The following ALG9 variants were observed in gnomAD, a reference collection of about 807,000 sequenced individuals.
ALG9 encodes ALG9 alpha-1,2-mannosyltransferase.
ALG9 carries 55 observed loss-of-function variants against 81.8 expected under a neutral mutation model. The ratio of observed to expected loss-of-function variants is 0.67; its 90% CI spans 0.54 to 0.84. ALG9 has a LOEUF of 0.84. Ranked by LOEUF, ALG9 falls within the 40% of genes least tolerant of loss-of-function variation. The pLI, the probability that ALG9 is intolerant of heterozygous loss-of-function variation, is 0.00. For missense variants in ALG9, 629 were observed against 745.0 expected, an observed-to-expected ratio of 0.84 and a Z score of 1.81; for synonymous variants, 278 against 274.3, an observed-to-expected ratio of 1.01 and a Z score of -0.13.
intron 13 of ALG9, among the ~76,000 whole-genome samples, chr11:111,834,020 A>T (rs1425716342): frequency 1.3e-5 from 2 of 152,270 alleles, no homozygotes; most frequent in Non-Finnish European, 2.9e-5. Context: ...ACTACTGGGT[A>T]CATGACACCG....
intron 13 of ALG9, among the ~76,000 whole-genome samples, chr11:111,831,213 G>A (rs910352363): frequency 1.4e-4 from 21 of 152,022 alleles, no homozygotes; most frequent in Non-Finnish European, 2.8e-4. Context: ...GCTAATTTTT[G>A]TATTTTTAGT....
the ALG9 span, among the ~76,000 whole-genome samples, chr11:111,770,364 C>G: frequency 6.6e-6 from 1 of 152,084 alleles, no homozygotes; most frequent in East Asian, 1.9e-4. Context: ...AATAAACAAG[C>G]ATCTGCTCAG....
intron 4 of ALG9, chr11:111,864,246 C>T (rs1961472330): frequency 3.9e-6 from 4 of 1,018,740 alleles, no homozygotes; most frequent in East Asian, 2.5e-5. Context: ...CCGGCCCTCA[C>T]GTGCACCATG....
chr11:111,800,310 C>T (rs1174881813), intron 14 of ALG9, among the ~76,000 whole-genome samples: 1 of 151,682 alleles, frequency 6.6e-6, no homozygotes, highest in Non-Finnish European at 1.5e-5. Flanking sequence ...AAAACCCTGT[C>T]TCTACTAAAA....
intron 4 of ALG9, among the ~76,000 whole-genome samples, chr11:111,862,074 G>A (rs1388751830): frequency 2.6e-5 from 4 of 151,890 alleles, no homozygotes; most frequent in African/African-American, 9.7e-5. Flanking sequence ...GATATGTTAG[G>A]TTTACTAAAT....
chr11:111,789,415 T>C (rs1273521921), intron 14 of ALG9, among the ~76,000 whole-genome samples: 3 of 151,298 alleles, frequency 2.0e-5, no homozygotes, highest in African/African-American at 7.3e-5. Context: ...TAATTTTTTA[T>C]CTTTTGTAGA....
chr11:111,810,937 T>C (rs1296370877), intron 13 of ALG9, among the ~76,000 whole-genome samples: 3 of 152,204 alleles, frequency 2.0e-5, no homozygotes, highest in Admixed American at 6.5e-5. Flanking sequence ...GTCACTACTC[T>C]GTTCAGCACT....
At chr11:111,811,652 C>T (rs1223335287) in intron 13 of ALG9, among the ~76,000 whole-genome samples, 1 of 150,964 alleles carries the variant, frequency 6.6e-6, no homozygotes, top group Non-Finnish European at 1.5e-5. Context: ...TACAATAGAA[C>T]AGTACTCAGC....
chr11:111,786,365 G>C lies in ALG9; in HGVS notation c.*32C>G. ...GGTCACTGGAATCAATAGTTAACAAGATGGTTGTCCTTTGGGGCCACAGGT... is the reference window on the plus strand; with the variant it reads ...GGTCACTGGAATCAATAGTTAACAACATGGTTGTCCTTTGGGGCCACAGGT... On this transcript the variant is annotated 3_prime_UTR_variant, in exon 15 of 15. Transcript: ENST00000616540. The C allele has an allele frequency of 6.2e-7, 1 of 1,613,328 alleles. No individual in the cohort carries two copies. The highest frequency in any genetic ancestry group is 1.1e-5 in the South Asian group (1 of 91,014).
At chr11:111,870,861 G>A in intron 1 of ALG9, 1 of 1,000,938 alleles carries the variant, frequency 1.0e-6, no homozygotes, top group Non-Finnish European at 1.2e-6. Context: ...TCCCCCTTAT[G>A]TTCAGATAGA....
At chr11:111,779,781 A>T (rs1265169971), downstream of ALG9, among the ~76,000 whole-genome samples, 2 of 152,212 alleles carry the variant, frequency 1.3e-5, no homozygotes, top group Non-Finnish European at 2.9e-5. Context: ...AAAGGGAAAA[A>T]AAAGCTCATA....
At chr11:111,834,732 CA>C (rs1163142002) in intron 13 of ALG9, among the ~76,000 whole-genome samples, 1 of 152,156 alleles carries the variant, frequency 6.6e-6, no homozygotes, top group African/African-American at 2.4e-5. Flanking sequence ...CCCCCTATGA[CA>C]GTGTATTTTC....
chr11:111,870,760 C>A, intron 1 of ALG9: 1 of 1,011,538 alleles, frequency 9.9e-7, no homozygotes, highest in Non-Finnish European at 1.2e-6. Context: ...TATCCCAAGC[C>A]AACTAATCAC....
chr11:111,833,500 T>C (rs141076779), intron 13 of ALG9, among the ~76,000 whole-genome samples: 26 of 152,064 alleles, frequency 1.7e-4, no homozygotes, highest in Admixed American at 1.6e-3. Flanking sequence ...AGCCCAGAGG[T>C]AAAGAAAATA....
chr11:111,833,958 A>G (rs982869869), intron 13 of ALG9, among the ~76,000 whole-genome samples: 6 of 152,246 alleles, frequency 3.9e-5, no homozygotes, highest in Non-Finnish European at 7.3e-5. Context: ...CAACATCATT[A>G]CCACAATGAC....
At chr11:111,812,141 T>C (rs1487275424) in intron 13 of ALG9, among the ~76,000 whole-genome samples, 1 of 152,222 alleles carries the variant, frequency 6.6e-6, no homozygotes, top group Non-Finnish European at 1.5e-5. Flanking sequence ...AATATGTCAA[T>C]TCTAAACAAA....
At chr11:111,870,667 A>T in intron 1 of ALG9, 1 of 891,888 alleles carries the variant, frequency 1.1e-6, no homozygotes, top group Non-Finnish European at 1.4e-6. Context: ...GACTTTAATC[A>T]CTCAATCACT....
At chr11:111,780,136 C>T (rs1272173787), downstream of ALG9, among the ~76,000 whole-genome samples, 1 of 152,180 alleles carries the variant, frequency 6.6e-6, no homozygotes, top group Non-Finnish European at 1.5e-5. Context: ...CACCTCCTCA[C>T]ACCTGGAGGA....
At chr11:111,819,695 A>G (rs1952021839) in intron 13 of ALG9, among the ~76,000 whole-genome samples, 1 of 152,252 alleles carries the variant, frequency 6.6e-6, no homozygotes, top group Non-Finnish European at 1.5e-5. Context: ...TTCCAAACAC[A>G]TAATAAATTC....
Sources: allele counts gnomAD v4.1 joint callset (sites outside exome capture counted in the v4.1 genomes callset), GRCh38; gene constraint gnomAD v4.1.1; transcripts MANE v1.5; gene names NCBI Gene and HGNC (gene_info 2026-07-23, HGNC 2026-07-21).